Variants in SLF1 observed in about 807,000 individuals in gnomAD.
The protein encoded by SLF1 is SMC5/6 complex localization factor 1, also known as SMC5-SMC6 complex localization factor protein 1.
SLF1 carries 105 observed loss-of-function variants against 123.0 expected under a neutral mutation model. That is an observed-to-expected ratio of 0.85 (90% CI 0.73 to 1.00). SLF1 has a LOEUF of 1.00. SLF1 is among the 50% of genes least tolerant of loss of function. SLF1 has a pLI of 0.00. For missense variants in SLF1, 1,239 were observed against 1,223.0 expected, an observed-to-expected ratio of 1.01 and a Z score of -0.20; for synonymous variants, 434 against 406.6, an observed-to-expected ratio of 1.07 and a Z score of -0.81.
chr5:94,637,197 G>A (rs1266882156), intron 4 of SLF1, among the ~76,000 whole-genome samples: 1 of 152,178 alleles, frequency 6.6e-6, no homozygotes, highest in Admixed American at 6.5e-5. Flanking sequence ...TCTTCCAGGT[G>A]TTCTTTGGCA....
chr5:94,670,871 C>T lies in SLF1; in HGVS notation c.1690C>T (p.Leu564=). ...KLYDWSDSQN[L]KITGKAMLLE... is the part of the protein sequence containing the mutation. Reference sequence around the variant, plus strand: ...GTATGACTGGTCAGATTCTCAGAATCTGAAAATAACAGGAAAGGCAATGCT... The same window carrying T: ...GTATGACTGGTCAGATTCTCAGAATTTGAAAATAACAGGAAAGGCAATGCT... Residue 564 remains leucine (L), a synonymous_variant, in exon 14 of 21, where the codon CTG becomes TTG. Transcript: ENST00000265140. The T allele has an allele frequency of 6.5e-7, 1 of 1,549,610 alleles. No individual in the cohort carries two copies. Among genetic ancestry groups the T allele is most frequent in the Non-Finnish European group, 8.7e-7 (1 of 1,145,646 alleles).
chr5:94,671,301 G>T (rs1055456059), intron 14 of SLF1, among the ~76,000 whole-genome samples: 2 of 151,614 alleles, frequency 1.3e-5, no homozygotes, highest in African/African-American at 4.8e-5. Context: ...GATTCATGAA[G>T]AACTTAAGAT....
chr5:94,668,060 T>TTCTCTTC (rs763797547), intron 12 of SLF1, among the ~76,000 whole-genome samples: 2 of 151,986 alleles, frequency 1.3e-5, no homozygotes, highest in South Asian at 2.1e-4. Flanking sequence ...TTCGTTTCAC[T>TTCTCTTC]TCTCTTCTCT....
In SLF1 at chr5:94,689,584, T is replaced by A; in HGVS notation, c.2397T>A (p.Asn799Lys). The change falls in exon 18 of 21, where the codon AAT becomes AAA. Residue 799 changes from asparagine to lysine, a missense_variant. Physicochemically the swap from Asn to Lys is moderately conservative, Grantham distance 94 (BLOSUM62 0). Coordinates refer to ENST00000265140, the MANE Select transcript of SLF1 (RefSeq NM_032290.4). Reference protein sequence around the residue: ...ENCPSVVKKMNFHKTNLKGET... With the variant: ...ENCPSVVKKMKFHKTNLKGET... ...GCCCCTCTGTAGTTAAAAAGATGAA[T>A]TTTCACAAGACTAATCTAAAAGGTA... 2 of 1,609,786 alleles carry A rather than the reference T, an allele frequency of 1.2e-6. No homozygotes were observed. Among genetic ancestry groups the A allele is most frequent in the Non-Finnish European group, 1.7e-6 (2 of 1,177,060 alleles).
intron 15 of SLF1, among the ~76,000 whole-genome samples, chr5:94,683,354 A>G (rs1367505809): frequency 2.0e-5 from 3 of 152,248 alleles, no homozygotes; most frequent in Non-Finnish European, 4.4e-5. Flanking sequence ...GCATTGAGCT[A>G]AACAGTTTTC....
rs1195517622 is a variant in SLF1, at chr5:94,643,277, T to A, written c.436T>A (p.Leu146Met). Residue 146 changes from leucine (L) to methionine (M), a missense_variant, in exon 5 of 21, where the codon TTG becomes ATG. Transcript: ENST00000265140. ...DKRSDSLIRV[L>M]EAGKANVILP... ...ACCATTTACATTTTTATTTAGAGTT[T>A]TGGAGGCTGGAAAGGCAAATGTTAT... The A allele has an allele frequency of 6.5e-7, 1 of 1,531,466 alleles. No homozygotes were observed. The highest frequency in any genetic ancestry group is 8.8e-7 in the Non-Finnish European group (1 of 1,138,488). The allele number at this position is 1,531,466 out of a possible 1,614,324, so 94.9% of individuals were successfully genotyped here.
At chr5:94,646,013 A>G (rs755899) in intron 5 of SLF1, among the ~76,000 whole-genome samples, 81,872 of 152,036 alleles carry the variant, frequency 0.54, 22,244 homozygotes, top group African/African-American at 0.61. Context: ...CACTTTGGGA[A>G]GCTGAGGCAG....
At chr5:94,646,407 T>G (rs980792853) in intron 5 of SLF1, among the ~76,000 whole-genome samples, 1 of 152,220 alleles carries the variant, frequency 6.6e-6, no homozygotes, top group Non-Finnish European at 1.5e-5. Flanking sequence ...TGCAGTGCAT[T>G]AGGGATATGA....
intron 1 of SLF1, among the ~76,000 whole-genome samples, chr5:94,621,998 G>C (rs934571976): frequency 6.6e-6 from 1 of 152,080 alleles, no homozygotes; most frequent in Non-Finnish European, 1.5e-5. Flanking sequence ...AAGGCCAGCT[G>C]AATGATATTA....
chr5:94,683,020 G>A (rs756673257), intron 15 of SLF1, among the ~76,000 whole-genome samples: 29 of 152,286 alleles, frequency 1.9e-4, no homozygotes, highest in Non-Finnish European at 3.8e-4. Flanking sequence ...GCACACCATA[G>A]TTTGCCAATC....
At chr5:94,682,042 G>A (rs150538347) in intron 15 of SLF1, among the ~76,000 whole-genome samples, 43 of 152,210 alleles carry the variant, frequency 2.8e-4, no homozygotes, top group African/African-American at 9.6e-4. Context: ...GCATGTGCGC[G>A]TGTGCACATG....
At position 94,696,996 on chromosome 5, in the gene SLF1, T is replaced by G. The variant is rs1397275199; in HGVS notation, c.*1684T>G. The G allele has an allele frequency of 6.6e-6, 1 of 151,896 alleles. No individual in the cohort carries two copies. The highest frequency in any genetic ancestry group is 1.5e-5 in the Non-Finnish European group (1 of 67,882). 9.4% of individuals were successfully genotyped at this position (151,896 alleles called of 1,614,324 possible). ...TAAGTTGGTAGTAATTCTAAGGTAATTAAGGAATCAACATCATGAGTTAGG... is the reference window on the plus strand; with the variant it reads ...TAAGTTGGTAGTAATTCTAAGGTAAGTAAGGAATCAACATCATGAGTTAGG... On this transcript the variant is annotated 3_prime_UTR_variant, in exon 21 of 21. Coordinates refer to ENST00000265140, the MANE Select transcript of SLF1 (RefSeq NM_032290.4).
At chr5:94,628,968 C>A (rs1233110824) in intron 2 of SLF1, 44 bp downstream of exon 2, 1 of 1,440,704 alleles carries the variant, frequency 6.9e-7, no homozygotes, top group Admixed American at 2.3e-5. Context: ...TGAAAAATAA[C>A]TACAATTCAA....
At chr5:94,660,088 C>T (rs1748903483) in intron 9 of SLF1, among the ~76,000 whole-genome samples, 3 of 152,156 alleles carry the variant, frequency 2.0e-5, no homozygotes, top group African/African-American at 7.2e-5. Context: ...GGTCGATCCA[C>T]AGGTTCTCAG....
chr5:94,643,307 C>A lies in SLF1; in HGVS notation c.466C>A (p.Pro156Thr). The A allele has an allele frequency of 6.5e-7, 1 of 1,541,344 alleles. No individual in the cohort carries two copies. The highest frequency in any genetic ancestry group is 8.7e-7 in the Non-Finnish European group (1 of 1,142,898). ...GGCTGGAAAGGCAAATGTTATTTTA[C>A]CAAAAAGTTCACCAAGTGGAATAAC... Reference protein sequence around the residue: ...LEAGKANVILPKSSPSGITHV... With the variant: ...LEAGKANVILTKSSPSGITHV... The change falls in exon 5 of 21, where the codon CCA becomes ACA. Residue 156 changes from proline (P) to threonine (T), a missense_variant. Transcript: ENST00000265140.
chr5:94,688,098 C>T (rs1401635206), intron 16 of SLF1, among the ~76,000 whole-genome samples: 2 of 148,568 alleles, frequency 1.3e-5, no homozygotes, highest in African/African-American at 2.5e-5. Flanking sequence ...GTTTTTATTC[C>T]TTATTTTGTT....
At chr5:94,640,267 G>C (rs879365457) in intron 4 of SLF1, among the ~76,000 whole-genome samples, 2 of 151,946 alleles carry the variant, frequency 1.3e-5, no homozygotes, top group African/African-American at 2.4e-5. Context: ...TAGAATTATG[G>C]GTCGACAGTT....
chr5:94,686,107 G>T (rs1752403345), intron 15 of SLF1, among the ~76,000 whole-genome samples: 1 of 152,040 alleles, frequency 6.6e-6, no homozygotes, highest in Non-Finnish European at 1.5e-5. Flanking sequence ...CATGGGTGTT[G>T]TCATAGGAAG....
chr5:94,692,298 G>GT lies in SLF1; in HGVS notation c.2695+48dup, dbSNP rs764741288. 8 of 1,575,056 alleles carry GT rather than the reference G, an allele frequency of 5.1e-6. No individual in the cohort carries two copies. In the Admixed American group the frequency reaches 6.8e-5, roughly 13 times the overall value. On this transcript the variant is annotated intron_variant, in intron 20 of 20. Transcript: ENST00000265140. ...TAAATGGGTTTTGATAAATTATCCA[G>GT]TTTTTTGATGAATCCTGCAGAGGTA...
Sources: allele counts gnomAD v4.1 joint callset (sites outside exome capture counted in the v4.1 genomes callset), GRCh38; gene constraint gnomAD v4.1.1; transcripts MANE v1.5; gene names NCBI Gene and HGNC (gene_info 2026-07-23, HGNC 2026-07-21).